Variants in SPON2 observed in about 807,000 individuals in gnomAD.
SPON2 encodes the protein spondin 2.
Under a neutral mutation model 29.9 loss-of-function variants are expected in SPON2, and 32 were observed. The observed-to-expected ratio is 1.07, with a 90% CI of 0.81 to 1.44. The LOEUF (loss-of-function observed/expected upper bound fraction) is 1.44, where lower values mean the gene tolerates loss of function less well. Ranked by LOEUF, SPON2 falls within the 40% of genes most tolerant of loss-of-function variation. The pLI, the probability that SPON2 is intolerant of heterozygous loss-of-function variation, is 0.00. For synonymous variants in SPON2, 248 were observed against 209.1 expected, an observed-to-expected ratio of 1.19 and a Z score of -1.61; for missense variants, 541 against 455.5, an observed-to-expected ratio of 1.19 and a Z score of -1.71.
In SPON2 at chr4:1,171,369, G is replaced by T; in HGVS notation, c.338C>A (p.Ala113Glu). Residue 113 changes from alanine to glutamate, a missense_variant, in exon 3 of 6, where the codon GCG (alanine) becomes GAG (glutamate). By Grantham distance (107) the Ala-to-Glu change is moderately radical (BLOSUM62 -1). Coordinates refer to ENST00000290902, the MANE Select transcript of SPON2 (RefSeq NM_012445.4). ...GTGCACGCTCTGCAGCGCCTCCCCCGCCGCCTCGATCTCCTTCATCAGCGC... is the reference window on the plus strand; with the variant it reads ...GTGCACGCTCTGCAGCGCCTCCCCCTCCGCCTCGATCTCCTTCATCAGCGC... Reference protein sequence around the residue: ...AWALMKEIEAAGEALQSVHAV... With the variant: ...AWALMKEIEAEGEALQSVHAV... The T allele has an allele frequency of 6.2e-7, 1 of 1,611,594 alleles. No individual in the cohort carries two copies. Among genetic ancestry groups the T allele is most frequent in the Non-Finnish European group, 8.5e-7 (1 of 1,179,604 alleles).
In SPON2 at chr4:1,202,317, A is replaced by G. The variant is rs1188848710; in HGVS notation, c.-234+5563T>C. ...GGGCTCTGCCTCGTGAGTGGATCAA[A>G]CACCTCCCATCAGTCCCCACCTCCC... On this transcript the variant is annotated intron_variant, in intron 1 of 3. Coordinates refer to the SPON2 transcript ENST00000509233. The surrounding 1 kb of genome is among the most constrained non-coding windows in gnomAD (Gnocchi z 5.4). Among the ~76,000 whole-genome samples the G allele has an allele frequency of 6.6e-6, 1 of 152,074 alleles. No individual in the cohort carries two copies. The highest frequency in any genetic ancestry group is 2.4e-5 in the African/African-American group (1 of 41,404).
At chr4:1,195,400 T>C (rs887640171), upstream of SPON2, among the ~76,000 whole-genome samples, 1 of 151,888 alleles carries the variant, frequency 6.6e-6, no homozygotes, top group Admixed American at 6.6e-5. Flanking sequence ...CCTGGCCCCC[T>C]GCGCCTCAGG....
chr4:1,185,946 A>G (rs1354065575), intron 1 of SPON2, among the ~76,000 whole-genome samples: 5 of 152,062 alleles, frequency 3.3e-5, no homozygotes, highest in Admixed American at 6.6e-5. Flanking sequence ...ATATTTGTGT[A>G]TCAAAAGGCA....
At chr4:1,173,645 C>G (rs980986720), upstream of SPON2, among the ~76,000 whole-genome samples, 7 of 152,222 alleles carry the variant, frequency 4.6e-5, no homozygotes, top group African/African-American at 1.7e-4. Context: ...CGGAATCACC[C>G]AGAGGGCTTT....
At chr4:1,206,140 AC>A (rs1454110679) in intron 1 of SPON2, among the ~76,000 whole-genome samples, 4 of 151,946 alleles carry the variant, frequency 2.6e-5, no homozygotes, top group Non-Finnish European at 5.9e-5. Context: ...ACCCTGCCCT[AC>A]CCAAGGCTGA....
rs372917721 is a variant in SPON2, at chr4:1,167,440, C to CG, written c.*31dup. 9.4e-6 allele frequency: 15 copies of CG among 1,595,894 alleles called. No individual in the cohort carries two copies. In the East Asian group the frequency reaches 1.6e-4, roughly 17 times the overall value. On this transcript the variant is annotated 3_prime_UTR_variant, in exon 6 of 6. Transcript: ENST00000290902. ...AGGAGCCCCCGACACCCCATGGCTC[C>CG]GGGGGGCCCCAGGGGCTGCGGGGCT...
At position 1,202,681 on chromosome 4, in the gene SPON2, A is replaced by T; in HGVS notation, c.-234+5199T>A. The stretch of plus-strand genomic sequence containing the variant: ...TCCTGGGGTCTCGGAGGCAGCCCCC[A>T]CCTCAGCTCCGGTGGGCATAGCCTC... On this transcript the variant is annotated intron_variant, in intron 1 of 3. Coordinates refer to the SPON2 transcript ENST00000509233. This position sits in a 1 kb window ranked among gnomAD's most constrained non-coding sequence, Gnocchi z 5.4. Among the ~76,000 whole-genome samples the T allele has an allele frequency of 6.7e-6, 1 of 149,636 alleles. No homozygotes were observed. The highest frequency in any genetic ancestry group is 2.0e-4 in the East Asian group (1 of 5,018).
chr4:1,176,033 G>A (rs1433939609), upstream of SPON2, among the ~76,000 whole-genome samples: 1 of 152,150 alleles, frequency 6.6e-6, no homozygotes, highest in African/African-American at 2.4e-5. Flanking sequence ...GGGGACATGG[G>A]AGAACTGGGG....
upstream of SPON2, among the ~76,000 whole-genome samples, chr4:1,195,727 C>G (rs1178581959): frequency 6.9e-6 from 1 of 145,062 alleles, no homozygotes; most frequent in African/African-American, 2.5e-5. Context: ...ACCCCGGAGA[C>G]CCCCAGCCCC....
rs1727272177 is a variant in SPON2, at chr4:1,167,381, T to A, written c.*91A>T. Reference sequence around the variant, plus strand: ...CGGTCAGGAGCAGCGCGAAACCCCCTGTGCCCTCGGCCGCCTGCAGCATGA... The same window carrying A: ...CGGTCAGGAGCAGCGCGAAACCCCCAGTGCCCTCGGCCGCCTGCAGCATGA... On this transcript the variant is annotated 3_prime_UTR_variant, in exon 6 of 6. Coordinates refer to ENST00000290902, the MANE Select transcript of SPON2 (RefSeq NM_012445.4). 2 of 1,363,452 alleles carry A rather than the reference T, an allele frequency of 1.5e-6. No individual in the cohort carries two copies. The highest frequency in any genetic ancestry group is 2.0e-6 in the Non-Finnish European group (2 of 994,932). The allele number at this position is 1,363,452 out of a possible 1,614,324, so 84.5% of individuals were successfully genotyped here.
upstream of SPON2, among the ~76,000 whole-genome samples, chr4:1,197,379 C>T (rs1728092596): frequency 6.6e-6 from 1 of 152,146 alleles, no homozygotes; most frequent in Non-Finnish European, 1.5e-5. Context: ...CCACCTCTTC[C>T]CCCAGAAACT....
chr4:1,197,079 G>A (rs1034757080), upstream of SPON2: 3 of 152,346 alleles, frequency 2.0e-5, no homozygotes, highest in Admixed American at 6.5e-5. Flanking sequence ...GACATGATGA[G>A]GGGACTTGAG....
At chr4:1,186,104 C>A (rs541747882) in intron 1 of SPON2, among the ~76,000 whole-genome samples, 1 of 149,820 alleles carries the variant, frequency 6.7e-6, no homozygotes, top group Non-Finnish European at 1.5e-5. Context: ...ATTAGCCGGG[C>A]GTGGTGGTGG....
Position 1,167,418 on chromosome 4 carries a change from A to C in SPON2, c.*54T>G, listed in dbSNP as rs1727274065. The C allele has an allele frequency of 6.4e-7, 1 of 1,550,810 alleles. No individual in the cohort carries two copies. The highest frequency in any genetic ancestry group is 1.4e-5 in the African/African-American group (1 of 73,382). ...CGCCTGCAGCATGAGCCTGCACAGG[A>C]GCCCCCGACACCCCATGGCTCCGGG... On this transcript the variant is annotated 3_prime_UTR_variant, in exon 6 of 6. Transcript: ENST00000290902.
chr4:1,167,254 C>T lies in SPON2; in HGVS notation c.*218G>A. ...GCTGAGAGCAGACGGGACACGGGGG[C>T]CCCTAAGAAGCAAGGTTGGGAAAGG... On this transcript the variant is annotated 3_prime_UTR_variant, in exon 6 of 6. Transcript: ENST00000290902. 1.9e-6 allele frequency: 1 copy of T among 523,090 alleles called. No individual in the cohort carries two copies. The highest frequency in any genetic ancestry group is 3.4e-6 in the Non-Finnish European group (1 of 297,290). 32.4% of individuals were successfully genotyped at this position (523,090 alleles called of 1,614,324 possible). A position where few individuals can be genotyped will look rare whatever the true frequency, so the allele number is the denominator to read the frequency against.
At position 1,171,438 on chromosome 4, in the gene SPON2, A is replaced by G; in HGVS notation, c.269T>C (p.Val90Ala). The change falls in exon 3 of 6, where the codon GTC (valine) becomes GCC (alanine). Residue 90 changes from valine (V) to alanine (A), a missense_variant. Val to Ala is a moderately conservative substitution (Grantham distance 64). Coordinates refer to ENST00000290902, the MANE Select transcript of SPON2 (RefSeq NM_012445.4). ...CGCAAAGTCGCGCAGCCCGTTACTG[A>G]CGTACTGGTTCTTCCTCCACATGCT... ...DYSMWRKNQY[V>A]SNGLRDFAER... The G allele has an allele frequency of 6.2e-7, 1 of 1,612,218 alleles. No homozygotes were observed. Among genetic ancestry groups the G allele is most frequent in the Non-Finnish European group, 8.5e-7 (1 of 1,179,752 alleles).
chr4:1,195,312 C>T (rs551563616), upstream of SPON2, among the ~76,000 whole-genome samples: 4 of 152,276 alleles, frequency 2.6e-5, no homozygotes, highest in East Asian at 1.9e-4. Flanking sequence ...GGAACCACTT[C>T]GCTCTCCCCC....
chr4:1,199,273 C>T (rs895395132), upstream of SPON2: 1 of 152,098 alleles, frequency 6.6e-6, no homozygotes, highest in Non-Finnish European at 1.5e-5. The surrounding 1 kb of genome is among the most constrained non-coding windows in gnomAD (Gnocchi z 4.5). Flanking sequence ...TGGTGCATGC[C>T]TGTAATCCCA....
rs776974345 is a variant in SPON2 at position 1,171,277 on chromosome 4, G to A, written c.430C>T (p.Arg144Cys). The change falls in exon 3 of 6, where the codon CGC (arginine) becomes TGC (cysteine). Residue 144 changes from arginine to cysteine, a missense_variant. Coordinates refer to ENST00000290902, the MANE Select transcript of SPON2 (RefSeq NM_012445.4). ...GQTSAELEVQRRHSLVSFVVR... is the reference protein window; with the variant it reads ...GQTSAELEVQCRHSLVSFVVR... ...CCCGCGCTCACCAGCGAGTGCCTGC[G>A]CTGCACCTCCAGCTCCGCCGACGTC... 44 of 1,544,994 alleles carry A rather than the reference G, an allele frequency of 2.8e-5. No individual in the cohort carries two copies. Among genetic ancestry groups the A allele is most frequent in the Non-Finnish European group, 3.8e-5 (44 of 1,152,848 alleles).
Sources: gnomAD v4.1 joint callset for allele counts (sites outside exome capture counted in the v4.1 genomes callset) on GRCh38, gnomAD v4.1.1 for gene constraint, Gnocchi (gnomAD v3.1) non-coding constraint, MANE v1.5 for transcripts, NCBI Gene and HGNC (gene_info 2026-07-23, HGNC 2026-07-21) for gene names.